Variants in GALNT3 observed in about 807,000 individuals in gnomAD.
GALNT3 encodes polypeptide N-acetylgalactosaminyltransferase 3, also known as GalNAc transferase 3.
Under a neutral mutation model 69.8 loss-of-function variants are expected in GALNT3, and 51 were observed. The ratio of observed to expected loss-of-function variants is 0.73; its 90% CI spans 0.58 to 0.92. The LOEUF (loss-of-function observed/expected upper bound fraction) is 0.92. Ranked by LOEUF, GALNT3 falls within the 40% of genes least tolerant of loss-of-function variation. GALNT3 has a pLI of 0.00. For missense variants in GALNT3, 711 were observed against 760.0 expected (o/e 0.94, Z 0.76); for synonymous variants, 265 against 248.5 (o/e 1.07, Z -0.63).
chr2:165,768,157 A>G (rs1688681540), intron 2 of GALNT3, among the ~76,000 whole-genome samples: 1 of 152,188 alleles, frequency 6.6e-6, no homozygotes, highest in African/African-American at 2.4e-5. Flanking sequence ...CGAAGTCAAA[A>G]AACAAATCTT....
chr2:165,764,970 A>C lies in GALNT3; in HGVS notation c.602T>G (p.Leu201Trp). 1 of 1,614,192 alleles carries C rather than the reference A, an allele frequency of 6.2e-7. No homozygotes were observed. The highest frequency in any genetic ancestry group is 1.1e-5 in the South Asian group (1 of 91,092). Residue 201 changes from leucine (L) to tryptophan (W), a missense_variant, in exon 3 of 11, where the codon TTG becomes TGG. Physicochemically the swap from Leu to Trp is moderately conservative, Grantham distance 61. Coordinates refer to ENST00000392701, the MANE Select transcript of GALNT3 (RefSeq NM_004482.4). ...GAGCACACTGTGGACAGTTCTAAGC[A>C]ACGTGGACCACGCTTCATTATGAAA... ...IVFHNEAWST[L>W]LRTVHSVLYS... is the part of the protein sequence containing the mutation.
At position 165,749,725 on chromosome 2, in the gene GALNT3, T is replaced by G; in HGVS notation, c.1779+17A>C. 1 of 1,610,400 alleles carries G rather than the reference T, an allele frequency of 6.2e-7. No homozygotes were observed. Among genetic ancestry groups the G allele is most frequent in the East Asian group, 2.2e-5 (1 of 44,834 alleles). On this transcript the variant is annotated intron_variant, in intron 10 of 10. Coordinates refer to ENST00000392701, the MANE Select transcript of GALNT3 (RefSeq NM_004482.4). ...AAGAAAAATAGTTAAATAGATGAAT[T>G]AATTGCACTGAGGTACCTTCTGGAT...
chr2:165,753,417 A>G (rs1212558212), intron 9 of GALNT3, among the ~76,000 whole-genome samples: 1 of 149,402 alleles, frequency 6.7e-6, no homozygotes, highest in African/African-American at 2.5e-5. Flanking sequence ...TTTTTTTTTA[A>G]TGTTTTCAAA....
chr2:165,748,636 T>C lies in GALNT3; in HGVS notation c.*145A>G. ...ACTTGCAGAATTTCTGTAGTAGTGC[T>C]ACATAAAGATATAAATAAGAAAAAT... On this transcript the variant is annotated 3_prime_UTR_variant, in exon 11 of 11. Coordinates refer to ENST00000392701, the MANE Select transcript of GALNT3 (RefSeq NM_004482.4). 6 of 708,050 alleles carry C rather than the reference T, an allele frequency of 8.5e-6. No individual in the cohort carries two copies. The highest frequency in any genetic ancestry group is 1.4e-5 in the Non-Finnish European group (6 of 425,288). 43.9% of individuals were successfully genotyped at this position (708,050 alleles called of 1,614,324 possible).
In GALNT3 at chr2:165,758,788, TTTC is replaced by T; in HGVS notation, c.1147_1149del (p.Glu383del). On this transcript the variant is annotated inframe_deletion, in exon 6 of 11. Coordinates refer to ENST00000392701, the MANE Select transcript of GALNT3 (RefSeq NM_004482.4). ...ATATTTTCACCTCCCCAGATTTCCA[TTTC>T]TTCATCATAGCTTCCAATATACTCA... The T allele has an allele frequency of 1.2e-6, 2 of 1,610,202 alleles. No individual in the cohort carries two copies. The highest frequency in any genetic ancestry group is 1.7e-6 in the Non-Finnish European group (2 of 1,176,614).
At chr2:165,773,471 C>T (rs1688789650) in intron 1 of GALNT3, among the ~76,000 whole-genome samples, 1 of 152,046 alleles carries the variant, frequency 6.6e-6, no homozygotes, top group Non-Finnish European at 1.5e-5. Flanking sequence ...TGAGAACAAA[C>T]TAATACAAAT....
At chr2:165,764,576 A>G (rs1313026971) in intron 3 of GALNT3, among the ~76,000 whole-genome samples, 2 of 152,216 alleles carry the variant, frequency 1.3e-5, no homozygotes, top group Non-Finnish European at 2.9e-5. Context: ...TTAGGAAAAG[A>G]GCTGGGATTC....
In GALNT3 at chr2:165,764,907, A is replaced by C. The variant is rs1402138285; in HGVS notation, c.665T>G (p.Leu222Trp). 5.0e-6 allele frequency: 8 copies of C among 1,614,084 alleles called. No individual in the cohort carries two copies. The highest frequency in any genetic ancestry group is 6.8e-6 in the Non-Finnish European group (8 of 1,180,034). The change falls in exon 3 of 11, where the codon TTG (leucine) becomes TGG (tryptophan). Residue 222 changes from leucine to tryptophan, a missense_variant. Coordinates refer to ENST00000392701, the MANE Select transcript of GALNT3 (RefSeq NM_004482.4). The part of the protein sequence containing the change: ...SPAILLKEII[L>W]VDDASVDEYL... ...ACCATCTACACTAGCATCATCCACC[A>C]AAATGATTTCCTTCAGCAGTATTGC...
At position 165,770,667 on chromosome 2, in the gene GALNT3, T is replaced by C. The variant is rs1429426628; in HGVS notation, c.34A>G (p.Ile12Val). The C allele has an allele frequency of 3.0e-5, 48 of 1,605,342 alleles. No homozygotes were observed. The highest frequency in any genetic ancestry group is 4.0e-5 in the Non-Finnish European group (47 of 1,179,118). The change falls in exon 2 of 11, where the codon ATT (isoleucine) becomes GTT (valine). Residue 12 changes from isoleucine (I) to valine (V), a missense_variant. Transcript: ENST00000392701. ...AHLKRLVKLH[I>V]KRHYHKKFWK... is the part of the protein sequence containing the mutation. The stretch of plus-strand genomic sequence containing the variant: ...AACTTTTTATGGTAATGTCTTTTAA[T>C]GTGTAATTTTACTAGTCGCTTTAGG...
intron 1 of GALNT3, among the ~76,000 whole-genome samples, chr2:165,782,354 A>T (rs1314912477): frequency 6.6e-6 from 1 of 151,116 alleles, no homozygotes; most frequent in Non-Finnish European, 1.5e-5. Context: ...AAACACACTA[A>T]CACGATAGCT....
chr2:165,788,425 T>C (rs1332645657), intron 1 of GALNT3, among the ~76,000 whole-genome samples: 2 of 150,742 alleles, frequency 1.3e-5, no homozygotes, highest in Non-Finnish European at 2.9e-5. Context: ...AAAGGCTTAA[T>C]GGAAAGAGAA....
At chr2:165,785,023 G>A (rs577242680) in intron 1 of GALNT3, among the ~76,000 whole-genome samples, 1 of 152,198 alleles carries the variant, frequency 6.6e-6, no homozygotes. Flanking sequence ...ATTTGACTCA[G>A]AATTATCAAA....
intron 2 of GALNT3, among the ~76,000 whole-genome samples, chr2:165,768,033 C>T (rs754388958): frequency 5.3e-5 from 8 of 151,986 alleles, no homozygotes; most frequent in Non-Finnish European, 1.0e-4. Flanking sequence ...ATCACCATGC[C>T]CACCTAATTT....
intron 4 of GALNT3, 137 bp from the exon 5 acceptor site, chr2:165,759,707 T>G (rs1688510218): frequency 1.5e-6 from 1 of 684,792 alleles, no homozygotes; most frequent in South Asian, 1.7e-5. Context: ...TGGAGATTTC[T>G]TTCTTCCTCA....
chr2:165,759,389 C>A lies in GALNT3; in HGVS notation c.1020G>T (p.Glu340Asp). The A allele has an allele frequency of 3.1e-6, 5 of 1,614,030 alleles. No individual in the cohort carries two copies. The highest frequency in any genetic ancestry group is 4.2e-6 in the Non-Finnish European group (5 of 1,179,982). Residue 340 changes from glutamate to aspartate, a missense_variant, in exon 5 of 11, where the codon GAG becomes GAT. Coordinates refer to ENST00000392701, the MANE Select transcript of GALNT3 (RefSeq NM_004482.4). ...TTTGCTTCTCATGATCAGGAAGCGA[C>A]TCCCAGCCAAATGAAAGACTCCAGT... ...NFDWSLSFGW[E>D]SLPDHEKQRR...
intron 2 of GALNT3, among the ~76,000 whole-genome samples, chr2:165,766,083 C>T (rs1688638116): frequency 6.6e-6 from 1 of 152,112 alleles, no homozygotes; most frequent in South Asian, 2.1e-4. Context: ...CCAGCCTAAA[C>T]CTATCTTTTT....
chr2:165,788,273 C>G (rs565233257), intron 1 of GALNT3, among the ~76,000 whole-genome samples: 1 of 145,640 alleles, frequency 6.9e-6, no homozygotes, highest in African/African-American at 2.6e-5. Context: ...GCCAAGATCA[C>G]GCCACTGCAC....
At chr2:165,775,513 AC>A (rs2105424826) in intron 1 of GALNT3, among the ~76,000 whole-genome samples, 1 of 152,296 alleles carries the variant, frequency 6.6e-6, no homozygotes, top group Non-Finnish European at 1.5e-5. Flanking sequence ...AACCCTGATC[AC>A]TTAAAGATTC....
Position 165,784,522 on chromosome 2 carries a change from C to T in GALNT3, c.-109+9493G>A, listed in dbSNP as rs61415318. 3.1e-3 allele frequency among the ~76,000 whole-genome samples: 469 copies of T among 152,154 alleles called. 1 individual carries two copies. The highest frequency in any genetic ancestry group is 0.011 in the African/African-American group (443 of 41,522). ...GGCTACAGAGGTTGTTAAGTTGTGA[C>T]GGGTGTTAAGGATGTGTTCTGGACT... On this transcript the variant is annotated intron_variant, in intron 1 of 10. Transcript: ENST00000392701.
Sources: allele counts gnomAD v4.1 joint callset (sites outside exome capture counted in the v4.1 genomes callset), GRCh38; gene constraint gnomAD v4.1.1; transcripts MANE v1.5; gene names NCBI Gene and HGNC (gene_info 2026-07-23, HGNC 2026-07-21).